Variants in SUFU observed in about 807,000 individuals in gnomAD.
The protein encoded by SUFU is SUFU negative regulator of hedgehog signaling, also known as suppressor of fused homolog.
SUFU carries 7 observed loss-of-function variants against 58.9 expected under a neutral mutation model. The ratio of observed to expected loss-of-function variants is 0.12; its 90% CI spans 0.07 to 0.22. SUFU has a LOEUF of 0.22. SUFU is among the 10% of genes least tolerant of loss of function. SUFU has a pLI of 1.00. For synonymous variants in SUFU, 232 were observed against 254.8 expected (o/e 0.91, Z 0.85); for missense variants, 451 against 641.3 (o/e 0.70, Z 3.20).
intron 3 of SUFU, among the ~76,000 whole-genome samples, chr10:102,555,705 T>C (rs915603744): frequency 4.6e-5 from 7 of 152,212 alleles, no homozygotes; most frequent in Non-Finnish European, 1.0e-4. Context: ...TTGCCCCTTA[T>C]TGTAAATATT....
chr10:102,575,931 G>A (rs1340971353), intron 3 of SUFU, among the ~76,000 whole-genome samples: 1 of 152,048 alleles, frequency 6.6e-6, no homozygotes, highest in South Asian at 2.1e-4. Flanking sequence ...TCAACCTCCC[G>A]GGCTCAAGTG....
intron 2 of SUFU, among the ~76,000 whole-genome samples, chr10:102,513,737 G>A (rs1171386136): frequency 2.6e-5 from 4 of 152,152 alleles, no homozygotes; most frequent in South Asian, 4.1e-4. Context: ...TACCAACAAC[G>A]CTTTTAGGAG....
intron 2 of SUFU, among the ~76,000 whole-genome samples, chr10:102,542,808 G>T (rs986142945): frequency 6.6e-6 from 1 of 151,786 alleles, no homozygotes; most frequent in Admixed American, 6.6e-5. Context: ...TACTTTTTGT[G>T]GAGGCAAGGC....
intron 3 of SUFU, among the ~76,000 whole-genome samples, chr10:102,565,916 C>G (rs150686879): frequency 3.9e-5 from 6 of 152,156 alleles, no homozygotes; most frequent in African/African-American, 1.4e-4. Flanking sequence ...CATCTCTGGA[C>G]CCCTGTGGAG....
intron 2 of SUFU, among the ~76,000 whole-genome samples, chr10:102,541,854 G>A (rs1300925499): frequency 2.7e-5 from 4 of 146,496 alleles, no homozygotes; most frequent in African/African-American, 7.6e-5. Flanking sequence ...GATTGCAGGT[G>A]TACACCGCCA....
chr10:102,529,925 C>T (rs924012445), intron 2 of SUFU, among the ~76,000 whole-genome samples: 1 of 147,302 alleles, frequency 6.8e-6, no homozygotes, highest in East Asian at 2.0e-4. Context: ...AGCCTAGCGA[C>T]AGAGTGAGAC....
intron 8 of SUFU, among the ~76,000 whole-genome samples, chr10:102,604,986 C>T (rs1220190964): frequency 7.2e-6 from 1 of 139,006 alleles, no homozygotes; most frequent in East Asian, 2.1e-4. Context: ...GACTGGAGTG[C>T]AGTGGCACAA....
Position 102,528,387 on chromosome 10 carries a change from T to C in SUFU, c.317+19084T>C, listed in dbSNP as rs2062636690. Among the ~76,000 whole-genome samples the C allele has an allele frequency of 3.3e-5, 5 of 151,602 alleles. No homozygotes were observed. The South Asian group carries it at 8.3e-4, about 25-fold the overall frequency. On this transcript the variant is annotated intron_variant, in intron 2 of 11. Coordinates refer to ENST00000369902, the MANE Select transcript of SUFU (RefSeq NM_016169.4). ...GAGTTCAAGACCAGCCTGGGCAACA[T>C]AGTGAGGCCTCATTTCTACAAATAA... is the stretch of plus-strand genomic sequence containing the variant.
chr10:102,603,207 G>C (rs2135898575), intron 8 of SUFU, among the ~76,000 whole-genome samples: 1 of 152,186 alleles, frequency 6.6e-6, no homozygotes, highest in South Asian at 2.1e-4. Flanking sequence ...TGTCACCCAG[G>C]CTGGAATGTG....
At chr10:102,567,178 A>G (rs1385170730) in intron 3 of SUFU, among the ~76,000 whole-genome samples, 1 of 150,550 alleles carries the variant, frequency 6.6e-6, no homozygotes, top group Non-Finnish European at 1.5e-5. Context: ...TGCCCTGCTA[A>G]TTTTTTGTAT....
rs1391549764 is a variant in SUFU at position 102,625,382 on chromosome 10, C to T, written c.1297-1793C>T. Reference sequence around the variant, plus strand: ...TAGAACAGAGAGTTTGGTGAGGAGACGTGGACCAGTGGTCAGAGTTATTTT... The same window carrying T: ...TAGAACAGAGAGTTTGGTGAGGAGATGTGGACCAGTGGTCAGAGTTATTTT... On this transcript the variant is annotated intron_variant, in intron 10 of 11. Transcript: ENST00000369902. This position sits in a 1 kb window ranked among gnomAD's most constrained non-coding sequence, Gnocchi z 4.7. Among the ~76,000 whole-genome samples the T allele has an allele frequency of 3.3e-5, 5 of 152,172 alleles. No individual in the cohort carries two copies. The highest frequency in any genetic ancestry group is 7.2e-5 in the African/African-American group (3 of 41,424).
At chr10:102,517,964 G>A (rs1380805517) in intron 2 of SUFU, among the ~76,000 whole-genome samples, 1 of 151,688 alleles carries the variant, frequency 6.6e-6, no homozygotes, top group Non-Finnish European at 1.5e-5. Context: ...TGCAGCATGT[G>A]CTTGGTAGGA....
At chr10:102,509,068 C>T in intron 1 of SUFU, 101 bp from the exon 2 acceptor site, 1 of 1,546,478 alleles carries the variant, frequency 6.5e-7, no homozygotes, top group Admixed American at 1.7e-5. Flanking sequence ...ACCCAGGTTC[C>T]TCCAGGATGG....
At chr10:102,592,330 G>T (rs887989374) in intron 3 of SUFU, among the ~76,000 whole-genome samples, 3 of 151,218 alleles carry the variant, frequency 2.0e-5, no homozygotes, top group African/African-American at 7.3e-5. Context: ...TGGTTTCCCA[G>T]GCCGAAGGAG....
At chr10:102,507,154 C>G (rs1206222190) in intron 1 of SUFU, among the ~76,000 whole-genome samples, 2 of 152,170 alleles carry the variant, frequency 1.3e-5, no homozygotes, top group Non-Finnish European at 2.9e-5. Context: ...TTATCTGACT[C>G]TTGGTAGTTC....
intron 3 of SUFU, among the ~76,000 whole-genome samples, chr10:102,568,949 T>TATACAC (rs2063132737): frequency 9.6e-6 from 1 of 103,726 alleles, no homozygotes; most frequent in Admixed American, 1.2e-4. Context: ...TATATATATA[T>TATACAC]ATATATATAT....
chr10:102,533,769 C>T (rs978282053), intron 2 of SUFU, among the ~76,000 whole-genome samples: 30 of 152,252 alleles, frequency 2.0e-4, no homozygotes, highest in Middle Eastern at 3.4e-3. Flanking sequence ...TTGAGCCCAC[C>T]GAGGTAATTC....
chr10:102,593,820 C>A, intron 5 of SUFU, 99 bp downstream of exon 5: 1 of 1,431,042 alleles, frequency 7.0e-7, no homozygotes, highest in Non-Finnish European at 9.8e-7. Context: ...GTTGTTATTT[C>A]AGACCCTGGT....
intron 1 of SUFU, among the ~76,000 whole-genome samples, chr10:102,507,235 G>GA (rs2062338741): frequency 6.6e-6 from 1 of 152,218 alleles, no homozygotes; most frequent in South Asian, 2.1e-4. Context: ...TGGTGAGAAA[G>GA]AGGGCTGCAG....
Sources: allele counts gnomAD v4.1 joint callset (sites outside exome capture counted in the v4.1 genomes callset), GRCh38; gene constraint gnomAD v4.1.1; non-coding constraint Gnocchi (gnomAD v3.1); transcripts MANE v1.5; gene names NCBI Gene and HGNC (gene_info 2026-07-23, HGNC 2026-07-21).